The following FOXP1 variants were observed in gnomAD, a reference collection of about 807,000 sequenced individuals.
The protein encoded by FOXP1 is forkhead box P1.
Under a neutral mutation model 98.2 loss-of-function variants are expected in FOXP1, and 15 were observed. That is an observed-to-expected ratio of 0.15 (90% CI 0.10 to 0.24). The LOEUF is 0.24. FOXP1 is among the 10% of genes least tolerant of loss of function. The pLI, the probability that FOXP1 is intolerant of heterozygous loss-of-function variation, is 1.00. For missense variants in FOXP1, 633 were observed against 848.5 expected (o/e 0.75, Z 3.15); for synonymous variants, 371 against 314.5 (o/e 1.18, Z -1.90).
chr3:71,502,262 C>T (rs927875708), intron 2 of FOXP1, among the ~76,000 whole-genome samples: 4 of 152,202 alleles, frequency 2.6e-5, no homozygotes, highest in Non-Finnish European at 4.4e-5. Context: ...GGGCAAGTGG[C>T]GGCCCGGTCC....
chr3:70,962,858 A>C (rs1015236278), intron 20 of FOXP1, among the ~76,000 whole-genome samples: 1 of 152,198 alleles, frequency 6.6e-6, no homozygotes, highest in Non-Finnish European at 1.5e-5. Context: ...TTGCTGTATA[A>C]TTTTAGACTT....
intron 6 of FOXP1, among the ~76,000 whole-genome samples, chr3:71,181,407 C>T (rs1455639876): frequency 1.3e-5 from 2 of 152,204 alleles, no homozygotes; most frequent in Non-Finnish European, 2.9e-5. Context: ...CACATCGACC[C>T]TCTCAGGAAG....
chr3:71,451,906 G>A (rs1215242256), intron 3 of FOXP1, among the ~76,000 whole-genome samples: 2 of 152,186 alleles, frequency 1.3e-5, no homozygotes, highest in Non-Finnish European at 2.9e-5. Flanking sequence ...AAAAATGTGT[G>A]TGCTAACTCC....
chr3:71,040,371 C>T (rs1159758822), intron 11 of FOXP1: 1 of 152,062 alleles, frequency 6.6e-6, no homozygotes, highest in South Asian at 2.1e-4. Context: ...ACTACTTTTA[C>T]GGTTTCTTTA....
At chr3:71,002,877 A>T (rs1384522968) in intron 12 of FOXP1, among the ~76,000 whole-genome samples, 2 of 152,158 alleles carry the variant, frequency 1.3e-5, no homozygotes, top group East Asian at 3.9e-4. Context: ...ACTCGATGAC[A>T]CTGTTTGCTT....
rs556433940 is a variant in FOXP1 at position 71,051,260 on chromosome 3, C to T, written c.510+1277G>A. 5.9e-5 allele frequency among the ~76,000 whole-genome samples: 9 copies of T among 152,114 alleles called. 1 individual carries two copies. The highest frequency in any genetic ancestry group is 1.9e-4 in the East Asian group (1 of 5,198). On this transcript the variant is annotated intron_variant, in intron 9 of 20. Transcript: ENST00000649528. ...TTTATTATAGCAGCACCCGGTAGAGCGCCACTGTACTTAAGGTTGTGTCAG... is the reference window on the plus strand; with the variant it reads ...TTTATTATAGCAGCACCCGGTAGAGTGCCACTGTACTTAAGGTTGTGTCAG...
chr3:71,126,875 A>AAAAAAAAAAAAAAACAAACAAAC (rs1575879088), intron 6 of FOXP1, among the ~76,000 whole-genome samples: 1 of 123,810 alleles, frequency 8.1e-6, no homozygotes, highest in African/African-American at 2.8e-5. Context: ...AACAAACAAA[A>AAAAAAAAAAAAAAACAAACAAAC]AAAAAAAACA....
chr3:71,582,407 C>T (rs545981709), intron 1 of FOXP1: 2 of 983,916 alleles, frequency 2.0e-6, no homozygotes, highest in South Asian at 4.7e-5. Context: ...CCACTCGAAG[C>T]GCACGCCGCC....
At chr3:71,102,392 T>A (rs1011270301) in intron 7 of FOXP1, among the ~76,000 whole-genome samples, 1 of 152,216 alleles carries the variant, frequency 6.6e-6, no homozygotes, top group Non-Finnish European at 1.5e-5. Context: ...TTTATAATAG[T>A]TTGCTCATGA....
chr3:71,020,166 A>G (rs2045217626), intron 11 of FOXP1, among the ~76,000 whole-genome samples: 2 of 152,350 alleles, frequency 1.3e-5, no homozygotes, highest in East Asian at 1.9e-4. Context: ...AAAATTAAAT[A>G]TAATTTTAAC....
chr3:71,170,061 G>A (rs2061574279), intron 6 of FOXP1, among the ~76,000 whole-genome samples: 1 of 152,124 alleles, frequency 6.6e-6, no homozygotes, highest in South Asian at 2.1e-4. Flanking sequence ...TAATTAATCA[G>A]CCTGCTTAAT....
chr3:71,211,624 A>G (rs116822177), intron 5 of FOXP1, among the ~76,000 whole-genome samples: 2,502 of 152,342 alleles, frequency 0.016, 72 homozygotes, highest in African/African-American at 0.058. Context: ...AAGCTGTTCA[A>G]CAAATTATTT....
At chr3:71,021,797 T>G (rs186744739) in intron 11 of FOXP1, among the ~76,000 whole-genome samples, 2 of 152,368 alleles carry the variant, frequency 1.3e-5, no homozygotes, top group East Asian at 3.9e-4. Flanking sequence ...TATTTTCATG[T>G]GCTTACTGCT....
chr3:71,167,308 T>C (rs2061438593), intron 6 of FOXP1, among the ~76,000 whole-genome samples: 1 of 152,218 alleles, frequency 6.6e-6, no homozygotes, highest in Admixed American at 6.5e-5. Context: ...TCTGGACATA[T>C]ACAGGTGACC....
chr3:71,437,829 A>C (rs2085508187), intron 3 of FOXP1, among the ~76,000 whole-genome samples: 1 of 152,168 alleles, frequency 6.6e-6, no homozygotes, highest in Non-Finnish European at 1.5e-5. Context: ...ATCAGGTGAA[A>C]AACAAGCTGC....
rs115192662 is a variant in FOXP1, at chr3:71,300,780, A to G, written c.-72-900T>C. On this transcript the variant is annotated intron_variant, in intron 4 of 20. Transcript: ENST00000649528. ...ATATAATTTTTAAGGTGGCGAAATC[A>G]TATCATCATTTTACCAAAATGTTAA... 2.2e-3 allele frequency among the ~76,000 whole-genome samples: 329 copies of G among 152,374 alleles called. 5 individuals carry two copies. The highest frequency in any genetic ancestry group is 7.6e-3 in the African/African-American group (318 of 41,590).
chr3:71,298,087 C>A (rs189729465), intron 5 of FOXP1, among the ~76,000 whole-genome samples: 31 of 152,210 alleles, frequency 2.0e-4, no homozygotes, highest in African/African-American at 7.2e-4. Flanking sequence ...CTGAATGCCC[C>A]CACAAGTAGA....
At chr3:71,032,694 C>T (rs2047032414) in intron 11 of FOXP1, among the ~76,000 whole-genome samples, 1 of 152,110 alleles carries the variant, frequency 6.6e-6, no homozygotes, top group African/African-American at 2.4e-5. Flanking sequence ...GCGAACACAG[C>T]AATAAAACAG....
intron 5 of FOXP1, among the ~76,000 whole-genome samples, chr3:71,225,907 A>G (rs2065799573): frequency 6.6e-6 from 1 of 152,212 alleles, no homozygotes; most frequent in Non-Finnish European, 1.5e-5. Context: ...CCCAAGACGG[A>G]CTGAGAAAAA....
Sources: allele counts gnomAD v4.1 joint callset (sites outside exome capture counted in the v4.1 genomes callset), GRCh38; gene constraint gnomAD v4.1.1; transcripts MANE v1.5; gene names NCBI Gene and HGNC (gene_info 2026-07-23, HGNC 2026-07-21).